The following CSPP1 variants were observed in gnomAD, a reference collection of about 807,000 sequenced individuals.
The protein encoded by CSPP1 is centrosome and spindle pole-associated protein 1.
Under a neutral mutation model 164.4 loss-of-function variants are expected in CSPP1, and 126 were observed. That is an observed-to-expected ratio of 0.77 (90% confidence interval 0.66 to 0.89). CSPP1 has a LOEUF of 0.89. Ranked by LOEUF, CSPP1 falls within the 40% of genes least tolerant of loss-of-function variation. The pLI is 0.00. For synonymous variants in CSPP1, 472 were observed against 476.7 expected, an observed-to-expected ratio of 0.99 and a Z score of 0.13; for missense variants, 1,395 against 1,449.8, an observed-to-expected ratio of 0.96 and a Z score of 0.61.
intron 7 of CSPP1, among the ~76,000 whole-genome samples, chr8:67,100,191 A>G (rs1330456964): frequency 2.6e-5 from 4 of 152,134 alleles, no homozygotes; most frequent in African/African-American, 9.7e-5. Flanking sequence ...CATCTTTCAT[A>G]TGTGCTGCTC....
chr8:67,148,439 C>T (rs1825051958), intron 17 of CSPP1, among the ~76,000 whole-genome samples: 1 of 152,186 alleles, frequency 6.6e-6, no homozygotes. Context: ...ATGCTTTACC[C>T]ACTTGGAGTG....
At chr8:67,089,466 C>T (rs1234568284) in intron 4 of CSPP1, among the ~76,000 whole-genome samples, 1 of 152,186 alleles carries the variant, frequency 6.6e-6, no homozygotes, top group Non-Finnish European at 1.5e-5. Context: ...AAAGAGAATT[C>T]TTGATTTCTG....
chr8:67,148,004 C>A (rs1456172068), intron 17 of CSPP1, among the ~76,000 whole-genome samples: 1 of 152,000 alleles, frequency 6.6e-6, no homozygotes, highest in Non-Finnish European at 1.5e-5. Flanking sequence ...CTGCAACCTG[C>A]ACCCCCCCGG....
chr8:67,091,736 C>A, intron 4 of CSPP1, 67 bp from the exon 5 acceptor site: 2 of 466,636 alleles, frequency 4.3e-6, no homozygotes, highest in East Asian at 8.8e-5. Context: ...AATGCAAAGA[C>A]ACATTTATGC....
Position 67,151,452 on chromosome 8 carries a change from C to T in CSPP1, c.2128+1517C>T, listed in dbSNP as rs149967380. 6.9e-3 allele frequency among the ~76,000 whole-genome samples: 1,057 copies of T among 152,212 alleles called. 10 individuals carry two copies. The highest frequency in any genetic ancestry group is 0.012 in the South Asian group (59 of 4,818). ...CATTGCCATACAGAGTCTTTCTCTA[C>T]CCTTTTCTTCCATACCTGGTATTGT... On this transcript the variant is annotated intron_variant, in intron 18 of 30. Transcript: ENST00000678616.
intron 3 of CSPP1, among the ~76,000 whole-genome samples, chr8:67,077,637 C>A (rs1434303378): frequency 1.3e-5 from 2 of 152,178 alleles, no homozygotes; most frequent in African/African-American, 4.8e-5. Flanking sequence ...CTGTGCCCGA[C>A]CTGTATGAAT....
At chr8:67,074,658 GT>G (rs1399669845) in intron 2 of CSPP1, 3 of 242,662 alleles carry the variant, frequency 1.2e-5, no homozygotes, top group African/African-American at 4.6e-5. Flanking sequence ...GTAAAAGCAA[GT>G]TTATAGTCTA....
intron 24 of CSPP1, among the ~76,000 whole-genome samples, chr8:67,166,630 T>C (rs1010548071): frequency 2.6e-5 from 4 of 152,094 alleles, no homozygotes; most frequent in Non-Finnish European, 5.9e-5. Flanking sequence ...AATTGAGAGG[T>C]AGTGTTTTTT....
At chr8:67,085,638 C>T (rs1810238366) in intron 3 of CSPP1, among the ~76,000 whole-genome samples, 1 of 151,974 alleles carries the variant, frequency 6.6e-6, no homozygotes, top group Non-Finnish European at 1.5e-5. Context: ...TGCTGGACTA[C>T]TTGTCTTAAC....
chr8:67,151,035 C>T (rs1401959510), intron 18 of CSPP1, among the ~76,000 whole-genome samples: 1 of 152,060 alleles, frequency 6.6e-6, no homozygotes, highest in Non-Finnish European at 1.5e-5. Flanking sequence ...TTTGGCTAAA[C>T]AGATAAGTGA....
rs200646002 is a variant in CSPP1 at position 67,105,877 on chromosome 8, C to T, written c.1023-28C>T. On this transcript the variant is annotated intron_variant, in intron 8 of 30. Transcript: ENST00000678616. ...TGAAAATTATCTGGATTTTAATTTA[C>T]TCTTTTTCTCTGTCTTTTTTTCTTT... 3.0e-4 allele frequency: 382 copies of T among 1,291,218 alleles called. 1 individual carries two copies. Among genetic ancestry groups the T allele is most frequent in the Non-Finnish European group, 4.0e-4 (361 of 891,900 alleles). 80.0% of individuals were successfully genotyped at this position (1,291,218 alleles called of 1,614,324 possible).
At chr8:67,098,306 TC>T (rs1432490890) in intron 7 of CSPP1, among the ~76,000 whole-genome samples, 5 of 151,120 alleles carry the variant, frequency 3.3e-5, no homozygotes, top group Admixed American at 6.6e-5. Context: ...TTTTTTTTTT[TC>T]CTTTCCTAAA....
At chr8:67,160,025 T>C (rs1342659137) in intron 21 of CSPP1, among the ~76,000 whole-genome samples, 1 of 101,970 alleles carries the variant, frequency 9.8e-6, no homozygotes, top group Non-Finnish European at 1.7e-5. Flanking sequence ...TCTTTTCTTT[T>C]CTTTTCTTTT....
chr8:67,082,777 A>G (rs918967189), intron 3 of CSPP1, among the ~76,000 whole-genome samples: 1 of 152,206 alleles, frequency 6.6e-6, no homozygotes, highest in Admixed American at 6.5e-5. Context: ...TCTAATTACT[A>G]TAGTTCTGAA....
At chr8:67,081,352 GGATTC>G (rs1809134628) in intron 3 of CSPP1, among the ~76,000 whole-genome samples, 1 of 150,650 alleles carries the variant, frequency 6.6e-6, no homozygotes, top group Non-Finnish European at 1.5e-5. Flanking sequence ...TGGAGACAAA[GGATTC>G]AATTTTTTTT....
At position 67,137,457 on chromosome 8, in the gene CSPP1, T is replaced by C; in HGVS notation, c.1829T>C (p.Ile610Thr). ...QSYQEALQQQ[I>T]REREERRKKE... ...TTAAATATATCTTATGTTGTCAAGA[T>C]TCGGGAAAGAGAAGAAAGAAGGAAG... is the stretch of plus-strand genomic sequence containing the variant. The change falls in exon 17 of 31, where the codon ATT becomes ACT. Residue 610 changes from isoleucine (I) to threonine (T), a missense_variant and splice_region_variant. Transcript: ENST00000678616. 5 of 1,501,968 alleles carry C rather than the reference T, an allele frequency of 3.3e-6. No homozygotes were observed. The highest frequency in any genetic ancestry group is 4.5e-6 in the Non-Finnish European group (5 of 1,108,116). The allele number at this position is 1,501,968 out of a possible 1,614,324, so 93.0% of individuals were successfully genotyped here.
intron 15 of CSPP1, among the ~76,000 whole-genome samples, chr8:67,124,928 C>T (rs1003499046): frequency 3.9e-5 from 6 of 152,172 alleles, no homozygotes; most frequent in Admixed American, 3.9e-4. Flanking sequence ...CCACCTTGGT[C>T]TCCCAAAGTG....
Position 67,159,846 on chromosome 8 carries a change from CTTTCTTTTTCTTTCTTTCTTTCTT to C in CSPP1, c.2538+711_2538+734del, listed in dbSNP as rs1827467822. ...CTTCTCTCTCTTTCTTTCTTTCTTT[CTTTCTTTTTCTTTCTTTCTTTCTT>C]TCTTTCTTTCTTTCTTTCTTTCTTT... On this transcript the variant is annotated intron_variant, in intron 21 of 30. Coordinates refer to ENST00000678616, the MANE Select transcript of CSPP1 (RefSeq NM_001382391.1). Among the ~76,000 whole-genome samples the C allele has an allele frequency of 1.7e-5, 2 of 121,050 alleles. 1 individual carries two copies. The highest frequency in any genetic ancestry group is 8.2e-5 in the African/African-American group (2 of 24,516). The allele number at this position is 121,050 out of a possible 152,430, so 79.4% of individuals were successfully genotyped here. A position where few individuals can be genotyped will look rare whatever the true frequency, so the allele number is the denominator to read the frequency against.
At chr8:67,185,511 C>T (rs1367515165) in intron 28 of CSPP1, among the ~76,000 whole-genome samples, 3 of 152,098 alleles carry the variant, frequency 2.0e-5, no homozygotes, top group Admixed American at 6.5e-5. Flanking sequence ...CAATGGTTTC[C>T]CTTGGGGGCT....
Sources: gnomAD v4.1 joint callset for allele counts (sites outside exome capture counted in the v4.1 genomes callset) on GRCh38, gnomAD v4.1.1 for gene constraint, MANE v1.5 for transcripts, NCBI Gene and HGNC (gene_info 2026-07-23, HGNC 2026-07-21) for gene names.